TULP4: variants seen among roughly 807,000 people sequenced by gnomAD.
The protein encoded by TULP4 is TUB like protein 4.
TULP4 carries 16 observed loss-of-function variants against 129.0 expected under a neutral mutation model. The ratio of observed to expected loss-of-function variants is 0.12; its 90% CI spans 0.08 to 0.19. The LOEUF (loss-of-function observed/expected upper bound fraction) is 0.19, where lower values mean the gene tolerates loss of function less well. Among genes scored for constraint, TULP4 ranks in the 10% least tolerant of loss-of-function variants. The pLI, the probability that TULP4 is intolerant of heterozygous loss-of-function variation, is 1.00. For missense variants in TULP4, 1,842 were observed against 2,059.1 expected, an observed-to-expected ratio of 0.89 and a Z score of 2.04; for synonymous variants, 998 against 854.0, an observed-to-expected ratio of 1.17 and a Z score of -2.94.
chr6:158,264,936 A>G (rs1463702285), intron 1 of TULP4, among the ~76,000 whole-genome samples: 2 of 152,196 alleles, frequency 1.3e-5, no homozygotes, highest in Non-Finnish European at 2.9e-5. Flanking sequence ...GACAAGTTAG[A>G]AGTACTAAGG....
chr6:158,444,259 TTTTTTTTA>T (rs1181140342), intron 3 of TULP4, among the ~76,000 whole-genome samples: 1 of 125,696 alleles, frequency 8.0e-6, no homozygotes, highest in African/African-American at 2.7e-5. Context: ...TTTTTTTTTT[TTTTTTTTA>T]ACTTTTGCCG....
chr6:158,274,263 A>G (rs1032278649), intron 1 of TULP4, among the ~76,000 whole-genome samples: 1 of 151,402 alleles, frequency 6.6e-6, no homozygotes, highest in Non-Finnish European at 1.5e-5. Context: ...TTCTCAAAAA[A>G]ACAAAAACAA....
At chr6:158,307,996 CTTT>C (rs1208776348), upstream of TULP4, among the ~76,000 whole-genome samples, 1 of 147,778 alleles carries the variant, frequency 6.8e-6, no homozygotes, top group Non-Finnish European at 1.5e-5. Context: ...TTTTTCTTTT[CTTT>C]TTTTTTTCTT....
chr6:158,246,491 CAAAA>C (rs72465395), intron 1 of TULP4, among the ~76,000 whole-genome samples: 1 of 119,866 alleles, frequency 8.3e-6, no homozygotes, highest in Non-Finnish European at 1.7e-5. Context: ...GACTCCATCT[CAAAA>C]AAAAAAAAAA....
At chr6:158,238,758 C>A (rs1313794643) in intron 1 of TULP4, among the ~76,000 whole-genome samples, 2 of 100,246 alleles carry the variant, frequency 2.0e-5, no homozygotes, top group Non-Finnish European at 4.2e-5. Flanking sequence ...GGTCACAGAT[C>A]AACAGGATCC....
At chr6:158,254,346 T>C (rs1353630606) in intron 1 of TULP4, among the ~76,000 whole-genome samples, 1 of 152,158 alleles carries the variant, frequency 6.6e-6, no homozygotes, top group Non-Finnish European at 1.5e-5. Flanking sequence ...TTTTGCCATG[T>C]TGGCCAGGCT....
At chr6:158,337,483 A>G (rs192860371) in intron 1 of TULP4, among the ~76,000 whole-genome samples, 2 of 152,334 alleles carry the variant, frequency 1.3e-5, no homozygotes, top group East Asian at 3.9e-4. Flanking sequence ...AGCAATGGAT[A>G]GTGAATGCAT....
At chr6:158,446,436 T>A (rs190888321) in intron 3 of TULP4, among the ~76,000 whole-genome samples, 1 of 152,238 alleles carries the variant, frequency 6.6e-6, no homozygotes, top group African/African-American at 2.4e-5. Context: ...TAAACTCTGA[T>A]AACTTAATCA....
intron 1 of TULP4, among the ~76,000 whole-genome samples, chr6:158,331,269 A>C (rs749890804): frequency 6.6e-6 from 1 of 152,064 alleles, no homozygotes; most frequent in Non-Finnish European, 1.5e-5. Context: ...TACTCCCTCC[A>C]TGAGTACTGG....
chr6:158,444,933 T>A (rs959227775), intron 3 of TULP4, among the ~76,000 whole-genome samples: 4 of 152,136 alleles, frequency 2.6e-5, no homozygotes, highest in African/African-American at 9.7e-5. Context: ...CGCCTCAGCC[T>A]CCCCAGGAGC....
At chr6:158,501,606 C>T (rs1034178559) in intron 12 of TULP4, 72 bp from the exon 13 acceptor site, 43 of 1,435,034 alleles carry the variant, frequency 3.0e-5, no homozygotes, top group East Asian at 4.6e-5. Flanking sequence ...TGAGTCCAGA[C>T]GTATTGCTTA....
intron 1 of TULP4, among the ~76,000 whole-genome samples, chr6:158,394,512 G>A (rs1050193619): frequency 7.9e-5 from 12 of 151,906 alleles, no homozygotes; most frequent in South Asian, 2.1e-4. Context: ...GGCTGGGCGC[G>A]GTGGCTCACA....
At chr6:158,448,399 A>G (rs936727965) in intron 3 of TULP4, among the ~76,000 whole-genome samples, 3 of 152,212 alleles carry the variant, frequency 2.0e-5, no homozygotes, top group African/African-American at 7.2e-5. Context: ...ATATTTTAAT[A>G]CCATGACTAC....
intron 1 of TULP4, among the ~76,000 whole-genome samples, chr6:158,303,379 G>C (rs1413281672): frequency 2.0e-5 from 3 of 152,114 alleles, no homozygotes; most frequent in Non-Finnish European, 4.4e-5. Flanking sequence ...GCCCGCCTGA[G>C]CCTCAAACCA....
At position 158,502,660 on chromosome 6, in the gene TULP4, C is replaced by T. The variant is rs369052981; in HGVS notation, c.2997C>T (p.Ala999=). 124 of 1,567,888 alleles carry T rather than the reference C, an allele frequency of 7.9e-5. No individual in the cohort carries two copies. Among genetic ancestry groups the T allele is most frequent in the Non-Finnish European group, 9.7e-5 (113 of 1,160,958 alleles). Reference sequence around the variant, plus strand: ...ACCGTGAGGCTACGCTCAAGATGGCCCAGCTGGCCGACAGCCCGCGGGCCC... The same window carrying T: ...ACCGTGAGGCTACGCTCAAGATGGCTCAGCTGGCCGACAGCCCGCGGGCCC... The part of the protein sequence containing the change: ...RNNREATLKM[A]QLADSPRAPL... The change falls in exon 13 of 14, where the codon GCC becomes GCT. Residue 999 remains alanine, a synonymous_variant. Coordinates refer to ENST00000367097, the MANE Select transcript of TULP4 (RefSeq NM_020245.5).
At chr6:158,460,982 C>G (rs764927259) in intron 5 of TULP4, among the ~76,000 whole-genome samples, 7 of 151,756 alleles carry the variant, frequency 4.6e-5, no homozygotes, top group Non-Finnish European at 1.0e-4. Flanking sequence ...ATTTAACATG[C>G]TAACTTTATT....
chr6:158,431,553 C>T (rs535402283), intron 3 of TULP4, among the ~76,000 whole-genome samples: 5 of 152,260 alleles, frequency 3.3e-5, no homozygotes, highest in Admixed American at 2.6e-4. Flanking sequence ...ACAATTGGAC[C>T]TGTTGAGGAG....
At chr6:158,388,322 C>CTTTTTTTTTTTTT (rs10650311) in intron 1 of TULP4, among the ~76,000 whole-genome samples, 24 of 86,262 alleles carry the variant, frequency 2.8e-4, no homozygotes, top group African/African-American at 5.0e-4. Context: ...GCTCGTTTTT[C>CTTTTTTTTTTTTT]TTTTTTTTTT....
At chr6:158,365,140 T>C (rs983233295) in intron 1 of TULP4, among the ~76,000 whole-genome samples, 1 of 151,982 alleles carries the variant, frequency 6.6e-6, no homozygotes, top group Non-Finnish European at 1.5e-5. Context: ...GTTCTAGTAT[T>C]GCCTCCCCAC....
Sources: gnomAD v4.1 joint callset for allele counts (sites outside exome capture counted in the v4.1 genomes callset) on GRCh38, gnomAD v4.1.1 for gene constraint, MANE v1.5 for transcripts, NCBI Gene and HGNC (gene_info 2026-07-23, HGNC 2026-07-21) for gene names.